GABRB3: variants seen among roughly 807,000 people sequenced by gnomAD.
The protein encoded by GABRB3 is gamma-aminobutyric acid receptor subunit beta-3.
GABRB3 carries 14 observed loss-of-function variants against 52.1 expected under a neutral mutation model. The observed-to-expected ratio is 0.27, with a 90% confidence interval of 0.18 to 0.42. The LOEUF is 0.42. Among genes scored for constraint, GABRB3 ranks in the 10% least tolerant of loss-of-function variants. GABRB3 has a pLI of 1.00. For missense variants in GABRB3, 307 were observed against 609.1 expected (o/e 0.50, Z 5.22); for synonymous variants, 260 against 232.3 (o/e 1.12, Z -1.08).
chr15:26,773,267 T>C (rs1891211517), upstream of GABRB3, among the ~76,000 whole-genome samples: 4 of 149,166 alleles, frequency 2.7e-5, no homozygotes, highest in South Asian at 8.4e-4. Context: ...CCCTGGGCGC[T>C]CCCCTCCCGC....
chr15:26,630,807 C>G lies in GABRB3; in HGVS notation c.241-9273G>C, dbSNP rs562683279. ...GTGTATCAATCAGTTAGCACAAAACCCTGAAGTTCATGGGATGCGTGTTTT... is the reference window on the plus strand; with the variant it reads ...GTGTATCAATCAGTTAGCACAAAACGCTGAAGTTCATGGGATGCGTGTTTT... On this transcript the variant is annotated intron_variant, in intron 3 of 8. Coordinates refer to ENST00000311550, the MANE Select transcript of GABRB3 (RefSeq NM_000814.6). Among the ~76,000 whole-genome samples the G allele has an allele frequency of 2.6e-5, 4 of 152,156 alleles. No individual in the cohort carries two copies. The East Asian group carries it at 7.8e-4, about 30-fold the overall frequency.
chr15:26,667,155 A>G (rs1011662358), intron 3 of GABRB3, among the ~76,000 whole-genome samples: 2 of 152,208 alleles, frequency 1.3e-5, no homozygotes, highest in Non-Finnish European at 2.9e-5. Flanking sequence ...TCTGTTCTAC[A>G]GTGAAGGAAA....
At chr15:26,690,336 C>T (rs1241584028) in intron 3 of GABRB3, among the ~76,000 whole-genome samples, 1 of 152,022 alleles carries the variant, frequency 6.6e-6, no homozygotes, top group Non-Finnish European at 1.5e-5. Context: ...ACCTAGGCCT[C>T]CCAAAGTGCT....
chr15:26,607,373 G>A (rs960837750), intron 4 of GABRB3, among the ~76,000 whole-genome samples: 4 of 152,064 alleles, frequency 2.6e-5, no homozygotes, highest in Non-Finnish European at 5.9e-5. Flanking sequence ...AAATTCTAGA[G>A]TAACCTGAGC....
At chr15:26,686,589 CATG>C (rs1366711874) in intron 3 of GABRB3, among the ~76,000 whole-genome samples, 1 of 152,232 alleles carries the variant, frequency 6.6e-6, no homozygotes, top group Non-Finnish European at 1.5e-5. Context: ...TAACAATTAA[CATG>C]ATAACAGTGT....
intron 3 of GABRB3, among the ~76,000 whole-genome samples, chr15:26,748,632 T>TG (rs990276433): frequency 6.6e-5 from 10 of 152,334 alleles, no homozygotes; most frequent in African/African-American, 2.4e-4. Flanking sequence ...TAATTGATTT[T>TG]GGGGGGCAAG....
intron 4 of GABRB3, chr15:26,612,288 A>G (rs1595481894): frequency 1.3e-5 from 2 of 152,238 alleles, no homozygotes; most frequent in Admixed American, 6.5e-5. Flanking sequence ...ATTGAAAATG[A>G]AGATTAAAAA....
At chr15:26,626,185 T>C (rs1412027084) in intron 3 of GABRB3, among the ~76,000 whole-genome samples, 1 of 152,190 alleles carries the variant, frequency 6.6e-6, no homozygotes, top group African/African-American at 2.4e-5. Context: ...TTACTATTAT[T>C]ATCACTCTGG....
At chr15:26,606,784 A>G in intron 4 of GABRB3, among the ~76,000 whole-genome samples, 1 of 105,820 alleles carries the variant, frequency 9.5e-6, no homozygotes, top group East Asian at 2.1e-4. Context: ...ATAGATAGAT[A>G]TATCTATAGA....
At chr15:26,616,599 A>C (rs1440143892) in intron 4 of GABRB3, among the ~76,000 whole-genome samples, 6 of 138,578 alleles carry the variant, frequency 4.3e-5, no homozygotes, top group African/African-American at 1.9e-4. Flanking sequence ...CCTATACTAC[A>C]CTTGAAAAAA....
chr15:26,766,885 A>AT (rs1057232630), intron 3 of GABRB3, among the ~76,000 whole-genome samples: 6 of 152,170 alleles, frequency 3.9e-5, no homozygotes, highest in African/African-American at 7.2e-5. Context: ...TGTAAGATCC[A>AT]TTTTTTTAAG....
rs1595442046 is a variant in GABRB3 at position 26,563,049 on chromosome 15, T to C, written c.836-1873A>G. On this transcript the variant is annotated intron_variant, in intron 7 of 8. Transcript: ENST00000311550. ...ACAAAATTAGGCATTCTCACCATTA[T>C]TCAAAAAGTTTGTAATGTTGTTGCC... Among the ~76,000 whole-genome samples, 4 of 152,328 alleles carry C rather than the reference T, an allele frequency of 2.6e-5. No individual in the cohort carries two copies. In the South Asian group the frequency reaches 8.3e-4, roughly 32 times the overall value.
Position 26,772,694 on chromosome 15 carries a change from T to C in GABRB3, c.159A>G (p.Arg53=). 6.4e-7 allele frequency: 1 copy of C among 1,574,152 alleles called. No individual in the cohort carries two copies. Among genetic ancestry groups the C allele is most frequent in the Non-Finnish European group, 8.6e-7 (1 of 1,160,652 alleles). The change falls in exon 2 of 9, where the codon AGA becomes AGG. Residue 53 remains arginine, a synonymous_variant. Transcript: ENST00000311550. The part of the protein sequence containing the change: ...KLLKGYDIRL[R]PDFGGPPVCV... ...CAGCCCACTTACCCCCGAAGTCGGG[T>C]CTTAGGCGAATGTCGTAGCCTTTCA...
intron 3 of GABRB3, among the ~76,000 whole-genome samples, chr15:26,629,685 C>T (rs1226081979): frequency 3.9e-5 from 6 of 152,074 alleles, no homozygotes; most frequent in Admixed American, 6.5e-5. Flanking sequence ...AACTCTTCAG[C>T]CCTGGTGCAG....
chr15:26,634,135 AC>A (rs1892980551), intron 3 of GABRB3, among the ~76,000 whole-genome samples: 1 of 151,380 alleles, frequency 6.6e-6, no homozygotes, highest in Non-Finnish European at 1.5e-5. Flanking sequence ...GGAGAGGGGC[AC>A]CCCCCTTTCC....
At chr15:26,755,909 T>C (rs113823647) in intron 3 of GABRB3, among the ~76,000 whole-genome samples, 2,260 of 152,248 alleles carry the variant, frequency 0.015, 55 homozygotes, top group African/African-American at 0.05. Context: ...TGTCCAACAA[T>C]AGAAAACTAC....
chr15:26,597,184 C>T (rs12591516), intron 4 of GABRB3, among the ~76,000 whole-genome samples: 46,983 of 152,020 alleles, frequency 0.31, 8,204 homozygotes, highest in East Asian at 0.79. Flanking sequence ...AGTTTTGGAA[C>T]TCAAGGAGTT....
Position 26,545,473 on chromosome 15 carries a change from GA to G in GABRB3, c.*2319del, listed in dbSNP as rs1430177169. 6.6e-6 allele frequency: 1 copy of G among 152,506 alleles called. No homozygotes were observed. 9.4% of individuals were successfully genotyped at this position (152,506 alleles called of 1,614,324 possible). A position where few individuals can be genotyped will look rare whatever the true frequency, so the allele number is the denominator to read the frequency against. On this transcript the variant is annotated 3_prime_UTR_variant, in exon 9 of 9. Transcript: ENST00000311550. ...AAAGTTTTAAATCACTTTTCTCCCAGAAAGAATTAATGTCACAGTTCTGAAT... is the reference window on the plus strand; with the variant it reads ...AAAGTTTTAAATCACTTTTCTCCCAGAAGAATTAATGTCACAGTTCTGAAT...
At chr15:26,713,128 C>T (rs951710724) in intron 3 of GABRB3, among the ~76,000 whole-genome samples, 6 of 152,110 alleles carry the variant, frequency 3.9e-5, no homozygotes, top group African/African-American at 1.2e-4. Flanking sequence ...GACGAGGAAA[C>T]GGTCGGGGTC....
Sources: gnomAD v4.1 joint callset for allele counts (sites outside exome capture counted in the v4.1 genomes callset) on GRCh38, gnomAD v4.1.1 for gene constraint, MANE v1.5 for transcripts, NCBI Gene and HGNC (gene_info 2026-07-23, HGNC 2026-07-21) for gene names.